IL1RAPL2: variants seen among roughly 807,000 people sequenced by gnomAD.
The protein encoded by IL1RAPL2 is X-linked interleukin-1 receptor accessory protein-like 2.
IL1RAPL2 carries 3 observed loss-of-function variants against 44.1 expected under a neutral mutation model. The ratio of observed to expected loss-of-function variants is 0.07; its 90% CI spans 0.03 to 0.18. The LOEUF is 0.18. IL1RAPL2 is among the 10% of genes least tolerant of loss of function. The probability of loss-of-function intolerance (pLI) is 1.00; values close to 1 mark genes in which losing one functional copy is unlikely to be tolerated. For synonymous variants in IL1RAPL2, 181 were observed against 178.8 expected, an observed-to-expected ratio of 1.01 and a Z score of -0.10; for missense variants, 391 against 496.4, an observed-to-expected ratio of 0.79 and a Z score of 2.02.
intron 5 of IL1RAPL2, among the ~76,000 whole-genome samples, chrX:105,407,918 C>A (rs186346920): frequency 3.6e-5 from 4 of 112,157 alleles, no homozygotes; most frequent in Admixed American, 2.8e-4. Flanking sequence ...TAGGAAGATA[C>A]TTCAAAACCA....
At chrX:105,204,747 C>T (rs1001133982) in intron 3 of IL1RAPL2, among the ~76,000 whole-genome samples, 5 of 111,402 alleles carry the variant, frequency 4.5e-5, no homozygotes, top group Non-Finnish European at 5.7e-5. Flanking sequence ...TTATTACTTA[C>T]GAATTGTGTG....
At chrX:105,126,260 A>C (rs1216368044) in intron 2 of IL1RAPL2, among the ~76,000 whole-genome samples, 3 of 111,011 alleles carry the variant, frequency 2.7e-5, no homozygotes, top group African/African-American at 6.5e-5. Context: ...TTTGCTATTG[A>C]TCTATCATGT....
chrX:105,078,641 C>T (rs755226581), intron 2 of IL1RAPL2, among the ~76,000 whole-genome samples: 2 of 112,831 alleles, frequency 1.8e-5, no homozygotes, highest in Admixed American at 9.3e-5. Flanking sequence ...GTGGAGCCTA[C>T]AGAGGCAGGC....
chrX:104,702,581 A>G (rs1175236421), intron 2 of IL1RAPL2, among the ~76,000 whole-genome samples: 2 of 112,287 alleles, frequency 1.8e-5, no homozygotes, highest in African/African-American at 6.5e-5. Flanking sequence ...CCTCCTACAC[A>G]TTAATTTCTT....
chrX:104,872,388 T>C (rs762669351), intron 2 of IL1RAPL2, among the ~76,000 whole-genome samples: 1 of 111,669 alleles, frequency 9.0e-6, no homozygotes, highest in Non-Finnish European at 1.9e-5. Context: ...CTAAAACCCA[T>C]GAACATGTGC....
intron 5 of IL1RAPL2, among the ~76,000 whole-genome samples, chrX:105,368,416 C>T (rs1460189197): frequency 9.0e-6 from 1 of 111,571 alleles, no homozygotes; most frequent in Non-Finnish European, 1.9e-5. Flanking sequence ...TACCCAGTCT[C>T]AGGTTATAGC....
At chrX:104,773,403 C>G (rs757867025) in intron 2 of IL1RAPL2, among the ~76,000 whole-genome samples, 22 of 111,500 alleles carry the variant, frequency 2.0e-4, no homozygotes, top group Middle Eastern at 4.6e-3. Context: ...TATGTATTAA[C>G]TGAACATTGA....
chrX:104,585,348 T>TC (rs1569487971), intron 1 of IL1RAPL2, among the ~76,000 whole-genome samples: 3 of 19,299 alleles, frequency 1.6e-4, no homozygotes, highest in Non-Finnish European at 2.3e-4. Context: ...ATATATTATA[T>TC]ATATTATATA....
At chrX:105,377,755 AACTT>A (rs759349842) in intron 5 of IL1RAPL2, among the ~76,000 whole-genome samples, 1 of 111,301 alleles carries the variant, frequency 9.0e-6, no homozygotes, top group East Asian at 2.8e-4. Flanking sequence ...CTCCAATGTG[AACTT>A]ACTTAGGTAC....
At chrX:104,834,711 C>T (rs1330382796) in intron 2 of IL1RAPL2, among the ~76,000 whole-genome samples, 1 of 111,802 alleles carries the variant, frequency 8.9e-6, no homozygotes, top group Non-Finnish European at 1.9e-5. Flanking sequence ...GCTCTTGGAT[C>T]TACAACATGG....
At chrX:105,325,615 A>G (rs974412537) in intron 5 of IL1RAPL2, among the ~76,000 whole-genome samples, 3 of 103,120 alleles carry the variant, frequency 2.9e-5, no homozygotes, top group Admixed American at 2.1e-4. Flanking sequence ...GCTAGGTAAT[A>G]TGACAGCTCT....
intron 6 of IL1RAPL2, among the ~76,000 whole-genome samples, chrX:105,644,146 C>A (rs774484049): frequency 8.9e-6 from 1 of 111,765 alleles, no homozygotes; most frequent in Non-Finnish European, 1.9e-5. Context: ...CTGCCTCGGT[C>A]TCCCAAATTG....
At chrX:105,146,422 T>C (rs912037316) in intron 2 of IL1RAPL2, among the ~76,000 whole-genome samples, 13 of 111,700 alleles carry the variant, frequency 1.2e-4, no homozygotes, top group Non-Finnish European at 2.1e-4. Context: ...TCAGCCCTAC[T>C]CATTCCTTCT....
chrX:104,802,344 CAAA>C (rs11324829), intron 2 of IL1RAPL2, among the ~76,000 whole-genome samples: 1 of 65,296 alleles, frequency 1.5e-5, no homozygotes, highest in Non-Finnish European at 2.9e-5. Context: ...GACTACATTT[CAAA>C]AAAAAAAAAA....
chrX:104,718,163 C>A (rs369078047), intron 2 of IL1RAPL2, among the ~76,000 whole-genome samples: 1 of 110,661 alleles, frequency 9.0e-6, no homozygotes, highest in African/African-American at 3.3e-5. Flanking sequence ...AGTTCTAGAT[C>A]CCTGAGGAAT....
At chrX:105,249,966 C>A (rs187327958) in intron 4 of IL1RAPL2, among the ~76,000 whole-genome samples, 1 of 111,176 alleles carries the variant, frequency 9.0e-6, no homozygotes, top group East Asian at 2.8e-4. Context: ...GTCCTTCTTC[C>A]TTTGTGAATG....
intron 2 of IL1RAPL2, among the ~76,000 whole-genome samples, chrX:104,778,259 T>C (rs1165045221): frequency 9.0e-6 from 1 of 111,082 alleles, no homozygotes; most frequent in Admixed American, 9.6e-5. Flanking sequence ...CTCGGAGATC[T>C]TTAATTCAGA....
chrX:105,447,378 AAT>A (rs1180298680), intron 5 of IL1RAPL2, among the ~76,000 whole-genome samples: 2 of 68,161 alleles, frequency 2.9e-5, no homozygotes, highest in Non-Finnish European at 4.7e-5. Flanking sequence ...TAAATATATA[AAT>A]ATATAAATAT....
At chrX:105,630,500 C>CTTTTTTT (rs369815453) in intron 6 of IL1RAPL2, among the ~76,000 whole-genome samples, 1 of 92,763 alleles carries the variant, frequency 1.1e-5, no homozygotes, top group Non-Finnish European at 2.1e-5. Flanking sequence ...AAATTCAGAG[C>CTTTTTTT]TTTTTTTTTT....
Sources: allele counts gnomAD v4.1 joint callset (sites outside exome capture counted in the v4.1 genomes callset), GRCh38; gene constraint gnomAD v4.1.1; transcripts MANE v1.5; gene names NCBI Gene and HGNC (gene_info 2026-07-23, HGNC 2026-07-21).